CYP3A43: variants seen among roughly 807,000 people sequenced by gnomAD.
The protein encoded by CYP3A43 is cytochrome P450 family 3 subfamily A member 43.
In CYP3A43, 45 loss-of-function variants were observed where a neutral mutation model predicts 58.0. That is an observed-to-expected ratio of 0.78 (90% CI 0.61 to 0.99). CYP3A43 has a LOEUF of 0.99. CYP3A43 is among the 50% of genes least tolerant of loss of function. The probability of loss-of-function intolerance (pLI) is 0.00; values close to 1 mark genes in which losing one functional copy is unlikely to be tolerated. For synonymous variants in CYP3A43, 191 were observed against 201.4 expected, an observed-to-expected ratio of 0.95 and a Z score of 0.44; for missense variants, 593 against 591.9, an observed-to-expected ratio of 1.00 and a Z score of -0.02.
At chr7:99,844,941 C>T (rs1352422161) in intron 4 of CYP3A43, among the ~76,000 whole-genome samples, 3 of 151,870 alleles carry the variant, frequency 2.0e-5, no homozygotes, top group African/African-American at 7.3e-5. Flanking sequence ...TGGTGGTGGG[C>T]ACCTGTAGTC....
intron 7 of CYP3A43, among the ~76,000 whole-genome samples, chr7:99,853,615 G>A (rs1171183756): frequency 6.6e-6 from 1 of 152,120 alleles, no homozygotes; most frequent in Non-Finnish European, 1.5e-5. Context: ...GGAGTGCAAT[G>A]GCACGATGTT....
intron 7 of CYP3A43, among the ~76,000 whole-genome samples, chr7:99,853,771 G>A (rs937741174): frequency 2.0e-5 from 3 of 152,154 alleles, no homozygotes; most frequent in African/African-American, 7.2e-5. Context: ...GGTCAAGCTG[G>A]TCTCGAATTC....
chr7:99,844,640 G>C (rs1817471826), intron 4 of CYP3A43, among the ~76,000 whole-genome samples: 1 of 152,102 alleles, frequency 6.6e-6, no homozygotes, highest in Non-Finnish European at 1.5e-5. Flanking sequence ...CTCCTTGCAG[G>C]GTCTATAGTA....
At chr7:99,845,352 T>C (rs538006890) in intron 4 of CYP3A43, among the ~76,000 whole-genome samples, 6 of 152,142 alleles carry the variant, frequency 3.9e-5, no homozygotes, top group Admixed American at 2.0e-4. Context: ...AGACAGAGTC[T>C]CGCTCTGTCA....
chr7:99,849,397 G>T, intron 6 of CYP3A43, 149 bp from the exon 7 acceptor site: 2 of 910,934 alleles, frequency 2.2e-6, no homozygotes, highest in Non-Finnish European at 1.6e-6. Context: ...AATGCCTCAT[G>T]AGTATGATGG....
chr7:99,839,400 A>C, intron 3 of CYP3A43: 1 of 697,580 alleles, frequency 1.4e-6, no homozygotes, highest in East Asian at 2.8e-5. Context: ...GTGAACAAAA[A>C]TAAAATCTTT....
rs754356184 is a variant in CYP3A43, at chr7:99,848,264, A to T, written c.521+10A>T. The stretch of plus-strand genomic sequence containing the variant: ...CCATCAACTTGAAAGAGTAAGTAGC[A>T]CAGTCTTGAGGTTCTGAGCTGTCAT... On this transcript the variant is annotated intron_variant, in intron 6 of 12. Transcript: ENST00000354829. 9 of 1,613,450 alleles carry T rather than the reference A, an allele frequency of 5.6e-6. No homozygotes were observed. Among genetic ancestry groups the T allele is most frequent in the Non-Finnish European group, 7.6e-6 (9 of 1,179,654 alleles).
At chr7:99,839,974 T>A (rs1176564911) in intron 3 of CYP3A43, among the ~76,000 whole-genome samples, 1 of 152,146 alleles carries the variant, frequency 6.6e-6, no homozygotes, top group Admixed American at 6.5e-5. Context: ...TTACTGTAAA[T>A]GGGGTGACAA....
Position 99,859,868 on chromosome 7 carries a change from A to G in CYP3A43, c.904A>G (p.Ile302Val). ...GGAGCTTGTGGCCCAGTCAATTATC[A>G]TCATTTTTGCTGCCTATGACACAAC... ...DLELVAQSII[I>V]IFAAYDTTST... The change falls in exon 10 of 13, where the codon ATC becomes GTC. Residue 302 changes from isoleucine (I) to valine (V), a missense_variant. Transcript: ENST00000354829. 6.2e-7 allele frequency: 1 copy of G among 1,614,148 alleles called. No homozygotes were observed. Among genetic ancestry groups the G allele is most frequent in the Non-Finnish European group, 8.5e-7 (1 of 1,180,030 alleles).
At chr7:99,847,369 A>AC in intron 4 of CYP3A43, 119 bp from the exon 5 acceptor site, 1 of 993,854 alleles carries the variant, frequency 1.0e-6, no homozygotes, top group Non-Finnish European at 1.5e-6. Context: ...AGAGCCTGCC[A>AC]CCCAGTAGAT....
intron 5 of CYP3A43, 97 bp downstream of exon 5, chr7:99,847,698 C>G: frequency 6.4e-7 from 1 of 1,567,122 alleles, no homozygotes; most frequent in Non-Finnish European, 8.7e-7. Context: ...GGGTAGTCCA[C>G]TGAGTTTGAG....
chr7:99,843,342 C>T (rs568369220), intron 3 of CYP3A43, among the ~76,000 whole-genome samples: 24 of 152,244 alleles, frequency 1.6e-4, no homozygotes, highest in African/African-American at 5.8e-4. Flanking sequence ...GATGTATTCT[C>T]AAACTTTGGC....
Position 99,829,920 on chromosome 7 carries a change from G to A in CYP3A43, c.71+1734G>A, listed in dbSNP as rs149543718. On this transcript the variant is annotated intron_variant, in intron 1 of 12. Transcript: ENST00000354829. ...ACCAATTCAATTGTCCTCTCCACAAGCATCAACTCAGCTTTAGTATGTACA... is the reference window on the plus strand; with the variant it reads ...ACCAATTCAATTGTCCTCTCCACAAACATCAACTCAGCTTTAGTATGTACA... 3.8e-3 allele frequency among the ~76,000 whole-genome samples: 580 copies of A among 152,274 alleles called. 6 individuals carry two copies. Among genetic ancestry groups the A allele is most frequent in the Middle Eastern group, 0.014 (4 of 294 alleles).
intron 7 of CYP3A43, among the ~76,000 whole-genome samples, chr7:99,852,882 TTG>T (rs1346062548): frequency 6.6e-6 from 1 of 152,236 alleles, no homozygotes; most frequent in Non-Finnish European, 1.5e-5. Context: ...ACTGAGACGA[TTG>T]TGTGTTTTCA....
At chr7:99,847,766 C>T in intron 5 of CYP3A43, 165 bp downstream of exon 5, 1 of 1,075,466 alleles carries the variant, frequency 9.3e-7, no homozygotes. Context: ...AATCCCAGCA[C>T]TTTGGGAGGC....
At chr7:99,859,047 A>AT (rs112057473) in intron 9 of CYP3A43, among the ~76,000 whole-genome samples, 9,657 of 151,946 alleles carry the variant, frequency 0.064, 962 homozygotes, top group African/African-American at 0.21. Context: ...TCACTTCTAG[A>AT]TTTTTGTCTC....
chr7:99,863,186 T>C (rs1012978034), intron 11 of CYP3A43, among the ~76,000 whole-genome samples: 5 of 152,216 alleles, frequency 3.3e-5, no homozygotes, highest in Non-Finnish European at 7.3e-5. Flanking sequence ...CACAATCCTC[T>C]CTGTGACTAC....
chr7:99,857,877 T>C (rs941150235), intron 9 of CYP3A43, among the ~76,000 whole-genome samples: 2 of 151,914 alleles, frequency 1.3e-5, no homozygotes, highest in Non-Finnish European at 2.9e-5. Context: ...TAAGTAAAAA[T>C]AAAGAGCAGG....
rs180930266 is a variant in CYP3A43 at position 99,839,445 on chromosome 7, G to A, written c.218+273G>A. The A allele has an allele frequency of 1.6e-3, 1,049 of 635,820 alleles. 8 individuals carry two copies. In the African/African-American group the frequency reaches 0.017, roughly 10 times the overall value. 39.4% of individuals were successfully genotyped at this position (635,820 alleles called of 1,614,324 possible). ...AACTCACTATGACAAAGGGAAAATCGAGCTTGAGAATTAAGTCATACCTTA... is the reference window on the plus strand; with the variant it reads ...AACTCACTATGACAAAGGGAAAATCAAGCTTGAGAATTAAGTCATACCTTA... On this transcript the variant is annotated intron_variant, in intron 3 of 12. Coordinates refer to ENST00000354829, the MANE Select transcript of CYP3A43 (RefSeq NM_057095.3).
Sources: allele counts gnomAD v4.1 joint callset (sites outside exome capture counted in the v4.1 genomes callset), GRCh38; gene constraint gnomAD v4.1.1; transcripts MANE v1.5; gene names NCBI Gene and HGNC (gene_info 2026-07-23, HGNC 2026-07-21).